FAIM2: variants seen among roughly 807,000 people sequenced by gnomAD.
The protein encoded by FAIM2 is Fas apoptotic inhibitory molecule 2.
A neutral mutation model predicts 47.4 loss-of-function variants in FAIM2; 27 were observed. That is an observed-to-expected ratio of 0.57 (90% CI 0.42 to 0.78). The LOEUF is 0.78. Among genes scored for constraint, FAIM2 ranks in the 30% least tolerant of loss-of-function variants. The pLI is 0.00. For synonymous variants in FAIM2, 156 were observed against 159.3 expected (o/e 0.98, Z 0.16); for missense variants, 311 against 389.4 (o/e 0.80, Z 1.69).
At chr12:49,895,419 A>T (rs1164503913) in intron 5 of FAIM2, among the ~76,000 whole-genome samples, 1 of 152,050 alleles carries the variant, frequency 6.6e-6, no homozygotes, top group Non-Finnish European at 1.5e-5. Context: ...CAGAGCATAG[A>T]GTCCCACAGA....
At position 49,896,898 on chromosome 12, in the gene FAIM2, G is replaced by A. The variant is rs1946941460; in HGVS notation, c.434+133C>T. 5.3e-6 allele frequency: 4 copies of A among 759,032 alleles called. No homozygotes were observed. The Admixed American group carries it at 7.3e-5, about 14-fold the overall frequency. 47.0% of individuals were successfully genotyped at this position (759,032 alleles called of 1,614,324 possible). Reference sequence around the variant, plus strand: ...CGACAGAATGGGGCAGGGTTGGAGGGGATCTGTGAGGACAGTCCCTGTGGG... The same window carrying A: ...CGACAGAATGGGGCAGGGTTGGAGGAGATCTGTGAGGACAGTCCCTGTGGG... On this transcript the variant is annotated intron_variant, in intron 5 of 11. Transcript: ENST00000320634.
chr12:49,897,891 G>T, intron 3 of FAIM2, 96 bp downstream of exon 3: 1 of 930,008 alleles, frequency 1.1e-6, no homozygotes, highest in South Asian at 1.4e-5. Context: ...GAAGGGGGCA[G>T]GGATGGCTTC....
chr12:49,878,232 GTGTA>G lies in FAIM2; in HGVS notation c.802-7583_802-7580del, dbSNP rs749329401. Among the ~76,000 whole-genome samples, 41 of 132,174 alleles carry G rather than the reference GTGTA, an allele frequency of 3.1e-4. 5 individuals carry two copies. The highest frequency in any genetic ancestry group is 1.3e-3 in the South Asian group (5 of 3,922). The allele number at this position is 132,174 out of a possible 152,430, so 86.7% of individuals were successfully genotyped here. A position where few individuals can be genotyped will look rare whatever the true frequency, so the allele number is the denominator to read the frequency against. ...TGTGCTTGTGTGTATATGTGCATGA[GTGTA>G]TGTGTGTATATGTGAGTGTATGTGC... is the stretch of plus-strand genomic sequence containing the variant. On this transcript the variant is annotated intron_variant, in intron 11 of 11. Transcript: ENST00000320634.
Position 49,889,565 on chromosome 12 carries a change from GT to G in FAIM2, c.566del (p.Tyr189SerfsTer44). 1 of 1,613,966 alleles carries G rather than the reference GT, an allele frequency of 6.2e-7. No individual in the cohort carries two copies. Among genetic ancestry groups the G allele is most frequent in the Non-Finnish European group, 8.5e-7 (1 of 1,179,880 alleles). ...ACAGCAGCACGGAGGTGGTGTTGTA[GT>G]AGCTGAGGACCGTCAGGCCGAGGGG... ...MAYLTGMLSS[Y>X]YNTTSVLLCL... On this transcript the variant is annotated frameshift_variant and splice_region_variant, in exon 9 of 12. Coordinates refer to ENST00000320634, the MANE Select transcript of FAIM2 (RefSeq NM_012306.4). LOFTEE classifies it high-confidence loss of function.
intron 5 of FAIM2, among the ~76,000 whole-genome samples, chr12:49,895,830 G>C (rs761374624): frequency 3.9e-5 from 6 of 152,214 alleles, no homozygotes; most frequent in Non-Finnish European, 7.3e-5. Flanking sequence ...AACAGACTTG[G>C]GACAGCCGCA....
In FAIM2 at chr12:49,868,172, T is replaced by A. The variant is rs1314373135; in HGVS notation, c.*2332A>T. 2 of 152,270 alleles carry A rather than the reference T, an allele frequency of 1.3e-5. No homozygotes were observed. The highest frequency in any genetic ancestry group is 1.3e-4 in the Admixed American group (2 of 15,274). 9.4% of individuals were successfully genotyped at this position (152,270 alleles called of 1,614,324 possible). ...TGACAGTGGCAGGAGAGTGGGGTGCTGGGGCTAACCCTCTGGAACTGAGGC... is the reference window on the plus strand; with the variant it reads ...TGACAGTGGCAGGAGAGTGGGGTGCAGGGGCTAACCCTCTGGAACTGAGGC... On this transcript the variant is annotated 3_prime_UTR_variant, in exon 12 of 12. Transcript: ENST00000320634.
intron 11 of FAIM2, among the ~76,000 whole-genome samples, chr12:49,881,491 T>C (rs540917638): frequency 6.6e-6 from 1 of 152,234 alleles, no homozygotes; most frequent in South Asian, 2.1e-4. Context: ...AACTCTGAGA[T>C]GGGGCAACCT....
chr12:49,900,317 G>T, intron 2 of FAIM2: 1 of 905,134 alleles, frequency 1.1e-6, no homozygotes, highest in Non-Finnish European at 1.5e-6. Flanking sequence ...TGCTGGAGGT[G>T]GGGTGATAAA....
intron 8 of FAIM2, 73 bp from the exon 9 acceptor site, chr12:49,889,641 C>T (rs1486471505): frequency 7.9e-7 from 1 of 1,263,006 alleles, no homozygotes; most frequent in South Asian, 1.2e-5. Flanking sequence ...TAGCAGGCCC[C>T]TCTCTTCTGC....
In FAIM2 at chr12:49,890,753, CG is replaced by C. The variant is rs757996153; in HGVS notation, c.486-32del. 97 of 1,610,422 alleles carry C rather than the reference CG, an allele frequency of 6.0e-5. No homozygotes were observed. In the East Asian group the frequency reaches 2.0e-3, roughly 33 times the overall value. ...AGGCAAGCCACAGAGTTCAGGGGAT[CG>C]TAGGGGGTGGGGGCAGTGGACCCAG... On this transcript the variant is annotated intron_variant, in intron 6 of 11. Coordinates refer to ENST00000320634, the MANE Select transcript of FAIM2 (RefSeq NM_012306.4).
At chr12:49,886,637 G>C (rs978127734) in intron 11 of FAIM2, among the ~76,000 whole-genome samples, 2 of 152,012 alleles carry the variant, frequency 1.3e-5, no homozygotes, top group African/African-American at 4.8e-5. Context: ...ACCACACCCG[G>C]CTAATTTTTT....
chr12:49,884,232 A>C (rs1248229503), intron 11 of FAIM2, among the ~76,000 whole-genome samples: 4 of 62,822 alleles, frequency 6.4e-5, no homozygotes, highest in Non-Finnish European at 1.1e-4. Flanking sequence ...TCAGAAAAAA[A>C]AAAAAACAAA....
At chr12:49,895,051 G>A (rs1311767268) in intron 5 of FAIM2, among the ~76,000 whole-genome samples, 1 of 131,874 alleles carries the variant, frequency 7.6e-6, no homozygotes, top group Non-Finnish European at 1.8e-5. Flanking sequence ...AGAGCTGAGG[G>A]GTGTGGAGCG....
intron 1 of FAIM2, chr12:49,902,784 G>A (rs1323332187): frequency 2.0e-5 from 3 of 151,840 alleles, no homozygotes; most frequent in Non-Finnish European, 1.5e-5. Context: ...CCGCCCCCCA[G>A]AGCCTCCTGG....
intron 11 of FAIM2, among the ~76,000 whole-genome samples, chr12:49,879,599 TGCGA>T (rs1410354293): frequency 6.6e-6 from 1 of 151,802 alleles, no homozygotes; most frequent in Non-Finnish European, 1.5e-5. Flanking sequence ...TTTGTGTGCA[TGCGA>T]GTGTATGTGT....
chr12:49,869,947 C>T lies in FAIM2; in HGVS notation c.*557G>A, dbSNP rs1337004147. ...AAATCCCTAGAACAAGCCGCTGGTC[C>T]CAGAGCCAAGAGAAGATGGGCAGAC... On this transcript the variant is annotated 3_prime_UTR_variant, in exon 12 of 12. Transcript: ENST00000320634. The T allele has an allele frequency of 6.5e-6, 1 of 152,898 alleles. No homozygotes were observed. The highest frequency in any genetic ancestry group is 1.5e-5 in the Non-Finnish European group (1 of 68,670). The allele number at this position is 152,898 out of a possible 1,614,324, so 9.5% of individuals were successfully genotyped here. A position where few individuals can be genotyped will look rare whatever the true frequency, so the allele number is the denominator to read the frequency against.
intron 4 of FAIM2, 57 bp downstream of exon 4, chr12:49,897,462 G>T (rs1013946079): frequency 1.3e-6 from 2 of 1,515,106 alleles, no homozygotes; most frequent in African/African-American, 1.4e-5. Flanking sequence ...GGGTTCCCCG[G>T]CTCCAGGCCT....
At chr12:49,894,947 C>A (rs375370399) in intron 5 of FAIM2, among the ~76,000 whole-genome samples, 145 of 152,254 alleles carry the variant, frequency 9.5e-4, no homozygotes, top group African/African-American at 3.2e-3. Context: ...AAGGAAGAGA[C>A]CCGGATGGAG....
intron 5 of FAIM2, among the ~76,000 whole-genome samples, chr12:49,895,160 C>T (rs1262535819): frequency 2.0e-5 from 3 of 152,112 alleles, no homozygotes; most frequent in African/African-American, 4.8e-5. Flanking sequence ...CTTTGGAACA[C>T]CCTATGAAAA....
Sources: gnomAD v4.1 joint callset for allele counts (sites outside exome capture counted in the v4.1 genomes callset) on GRCh38, gnomAD v4.1.1 for gene constraint, MANE v1.5 for transcripts, NCBI Gene and HGNC (gene_info 2026-07-23, HGNC 2026-07-21) for gene names.